NIPBL: variants seen among roughly 807,000 people sequenced by gnomAD.
NIPBL encodes the protein NIPBL cohesin loading factor, also known as nipped-B-like protein.
In NIPBL, 19 loss-of-function variants were observed where a neutral mutation model predicts 321.8. The ratio of observed to expected loss-of-function variants is 0.06; its 90% CI spans 0.04 to 0.09. The LOEUF (loss-of-function observed/expected upper bound fraction) is 0.09. Among genes scored for constraint, NIPBL ranks in the 10% least tolerant of loss-of-function variants. The pLI, the probability that NIPBL is intolerant of heterozygous loss-of-function variation, is 1.00. For synonymous variants in NIPBL, 1,106 were observed against 1,114.1 expected (o/e 0.99, Z 0.14); for missense variants, 2,210 against 3,327.0 (o/e 0.66, Z 8.26).
chr5:36,953,549 T>C, intron 1 of NIPBL, 69 bp from the exon 2 acceptor site: 1 of 716,446 alleles, frequency 1.4e-6, no homozygotes, highest in East Asian at 2.6e-5. Context: ...TTATAGTGAT[T>C]AAGCATTTTC....
chr5:36,894,086 T>A (rs1746546531), intron 1 of NIPBL, among the ~76,000 whole-genome samples: 1 of 152,212 alleles, frequency 6.6e-6, no homozygotes. Flanking sequence ...CCTCAGCAAA[T>A]ACTTCTTCTT....
chr5:37,049,942 C>T (rs757439730), intron 40 of NIPBL, among the ~76,000 whole-genome samples: 68 of 152,208 alleles, frequency 4.5e-4, no homozygotes, highest in African/African-American at 8.4e-4. Context: ...TTTCATGGAA[C>T]GTTTTAAAAA....
intron 30 of NIPBL, among the ~76,000 whole-genome samples, chr5:37,025,231 C>T (rs1293735560): frequency 6.6e-6 from 1 of 152,100 alleles, no homozygotes; most frequent in Non-Finnish European, 1.5e-5. Flanking sequence ...CCTGCCTGGG[C>T]AAGGGTGAGA....
intron 6 of NIPBL, among the ~76,000 whole-genome samples, chr5:36,965,901 A>G (rs1430768135): frequency 6.6e-6 from 1 of 152,090 alleles, no homozygotes; most frequent in East Asian, 1.9e-4. Flanking sequence ...GAGACAGTTT[A>G]GACTATTGAG....
At position 36,953,585 on chromosome 5, in the gene NIPBL, T is replaced by C. The variant is rs538289214; in HGVS notation, c.-79-33T>C. On this transcript the variant is annotated intron_variant, in intron 1 of 46. Transcript: ENST00000282516. ...CTGATAGTAATATATCTGACATATC[T>C]CTACAAATAATTGTCTGTTTTGTGT... 5.2e-5 allele frequency: 46 copies of C among 878,802 alleles called. No individual in the cohort carries two copies. In the East Asian group the frequency reaches 1.1e-3, roughly 20 times the overall value. 54.4% of individuals were successfully genotyped at this position (878,802 alleles called of 1,614,324 possible).
At chr5:37,062,921 A>G (rs1754914005) in intron 45 of NIPBL, among the ~76,000 whole-genome samples, 1 of 152,046 alleles carries the variant, frequency 6.6e-6, no homozygotes, top group South Asian at 2.1e-4. Flanking sequence ...CCCTGTCTCA[A>G]TTTAAAAAGA....
chr5:36,965,517 G>T (rs562329806), intron 6 of NIPBL, among the ~76,000 whole-genome samples: 218 of 152,206 alleles, frequency 1.4e-3, no homozygotes, highest in Admixed American at 3.1e-3. Flanking sequence ...GCTGGGAAGG[G>T]TAGAGGAGGG....
intron 1 of NIPBL, among the ~76,000 whole-genome samples, chr5:36,946,396 G>C (rs576615230): frequency 4.0e-4 from 61 of 152,070 alleles, no homozygotes; most frequent in African/African-American, 1.4e-3. Context: ...ATTTTCCTCA[G>C]ATATTTTCCT....
chr5:37,032,386 C>CGTGTGTGTGTGTGT (rs58831894), intron 32 of NIPBL, among the ~76,000 whole-genome samples: 118 of 123,596 alleles, frequency 9.5e-4, no homozygotes, highest in Non-Finnish European at 1.4e-3. Flanking sequence ...TACATGTATA[C>CGTGTGTGTGTGTGT]GTGTGTGTGT....
At chr5:36,971,144 T>A in intron 7 of NIPBL, 108 bp downstream of exon 7, 1 of 892,646 alleles carries the variant, frequency 1.1e-6, no homozygotes, top group Non-Finnish European at 1.8e-6. Flanking sequence ...ATCATTATAC[T>A]GGGTACTGAG....
intron 1 of NIPBL, among the ~76,000 whole-genome samples, chr5:36,893,566 A>T (rs1413237253): frequency 6.6e-6 from 1 of 151,742 alleles, no homozygotes; most frequent in South Asian, 2.1e-4. Flanking sequence ...GTTCCCTTAG[A>T]CTTCTCAATC....
rs775406364 is a variant in NIPBL at position 36,996,107 on chromosome 5, A to G, written c.3304+303A>G. ...GCTAGACACTGAGAGTAAAAATGCA[A>G]ATAAGATATGGCCCCTGTCTTCAAA... is the stretch of plus-strand genomic sequence containing the variant. On this transcript the variant is annotated intron_variant, in intron 11 of 46. Coordinates refer to ENST00000282516, the MANE Select transcript of NIPBL (RefSeq NM_133433.4). The surrounding 1 kb of genome is among the most constrained non-coding windows in gnomAD (Gnocchi z 5.0). Among the ~76,000 whole-genome samples, 15 of 152,190 alleles carry G rather than the reference A, an allele frequency of 9.9e-5. No individual in the cohort carries two copies. The highest frequency in any genetic ancestry group is 4.4e-5 in the Non-Finnish European group (3 of 68,028).
At chr5:36,968,007 G>A (rs1742398344) in intron 6 of NIPBL, among the ~76,000 whole-genome samples, 1 of 148,894 alleles carries the variant, frequency 6.7e-6, no homozygotes, top group Non-Finnish European at 1.5e-5. Flanking sequence ...GAGGTGGGAG[G>A]ATGGCTTGAG....
intron 1 of NIPBL, among the ~76,000 whole-genome samples, chr5:36,930,923 T>C (rs1410275037): frequency 6.6e-6 from 1 of 152,174 alleles, no homozygotes; most frequent in East Asian, 1.9e-4. Context: ...TTTTATATGT[T>C]GATGAATTTG....
intron 1 of NIPBL, among the ~76,000 whole-genome samples, chr5:36,891,714 T>A (rs1746345574): frequency 6.6e-6 from 1 of 152,150 alleles, no homozygotes; most frequent in Admixed American, 6.5e-5. Flanking sequence ...AGCCAGGAAG[T>A]TATTTAGTAA....
intron 1 of NIPBL, among the ~76,000 whole-genome samples, chr5:36,938,737 A>G (rs1738734656): frequency 1.3e-5 from 2 of 152,160 alleles, no homozygotes; most frequent in Non-Finnish European, 2.9e-5. Flanking sequence ...AAAAGTATAC[A>G]AGGAGGTCGT....
chr5:36,939,069 C>T (rs1272232155), intron 1 of NIPBL, among the ~76,000 whole-genome samples: 1 of 152,244 alleles, frequency 6.6e-6, no homozygotes, highest in South Asian at 2.1e-4. Flanking sequence ...GTAGTGTAGT[C>T]ATAGCTTATT....
chr5:37,036,451 G>C lies in NIPBL; in HGVS notation c.5935G>C (p.Val1979Leu). The C allele has an allele frequency of 6.8e-7, 1 of 1,472,642 alleles. No homozygotes were observed. The highest frequency in any genetic ancestry group is 9.1e-7 in the Non-Finnish European group (1 of 1,102,472). 91.2% of individuals were successfully genotyped at this position (1,472,642 alleles called of 1,614,324 possible). A position where few individuals can be genotyped will look rare whatever the true frequency, so the allele number is the denominator to read the frequency against. Reference sequence around the variant, plus strand: ...TTGTACTCAACTTGTTGATAACCTAGTTGAGCACATTCTTAAATATGAGGA... The same window carrying C: ...TTGTACTCAACTTGTTGATAACCTACTTGAGCACATTCTTAAATATGAGGA... ...KACTQLVDNL[V>L]EHILKYEESL... The change falls in exon 33 of 47, where the codon GTT becomes CTT. Residue 1979 changes from valine (V) to leucine (L), a missense_variant. Physicochemically the swap from Val to Leu is conservative, Grantham distance 32. Coordinates refer to ENST00000282516, the MANE Select transcript of NIPBL (RefSeq NM_133433.4).
In NIPBL at chr5:37,055,182, C is replaced by T. The variant is rs928272899; in HGVS notation, c.7264-2004C>T. ...TGGCCAACATGGCAAAATCCTCTCT[C>T]TCCTGAAAATACAAAAAAATTAGCC... On this transcript the variant is annotated intron_variant, in intron 42 of 46. Coordinates refer to ENST00000282516, the MANE Select transcript of NIPBL (RefSeq NM_133433.4). Among the ~76,000 whole-genome samples the T allele has an allele frequency of 1.3e-4, 19 of 151,956 alleles. 1 individual carries two copies. The highest frequency in any genetic ancestry group is 7.4e-5 in the Non-Finnish European group (5 of 67,970).
Sources: gnomAD v4.1 joint callset for allele counts (sites outside exome capture counted in the v4.1 genomes callset) on GRCh38, gnomAD v4.1.1 for gene constraint, Gnocchi (gnomAD v3.1) non-coding constraint, MANE v1.5 for transcripts, NCBI Gene and HGNC (gene_info 2026-07-23, HGNC 2026-07-21) for gene names.